Variants in AKAP9 observed in about 807,000 individuals in gnomAD.
The protein encoded by AKAP9 is A-kinase anchoring protein 9, also known as A-kinase anchor protein 9.
AKAP9 carries 311 observed loss-of-function variants against 488.5 expected under a neutral mutation model. The ratio of observed to expected loss-of-function variants is 0.64; its 90% CI spans 0.58 to 0.70. The LOEUF (loss-of-function observed/expected upper bound fraction) is 0.70. AKAP9 is among the 30% of genes least tolerant of loss of function. The pLI, the probability that AKAP9 is intolerant of heterozygous loss-of-function variation, is 0.00. For synonymous variants in AKAP9, 1,462 were observed against 1,483.5 expected (o/e 0.99, Z 0.33); for missense variants, 4,215 against 4,374.5 (o/e 0.96, Z 1.03).
chr7:92,048,187 CAAAA>C (rs1175707321), intron 21 of AKAP9, among the ~76,000 whole-genome samples: 1 of 151,876 alleles, frequency 6.6e-6, no homozygotes, highest in Non-Finnish European at 1.5e-5. Flanking sequence ...TTTAGTATAA[CAAAA>C]AAATTAAACC....
chr7:92,088,978 G>A (rs566236108), intron 37 of AKAP9, among the ~76,000 whole-genome samples: 75 of 152,204 alleles, frequency 4.9e-4, no homozygotes, highest in Middle Eastern at 6.8e-3. Context: ...ATTGAGGAAC[G>A]TACAACAAAA....
intron 2 of AKAP9, among the ~76,000 whole-genome samples, chr7:91,978,223 CAG>C (rs10605460): frequency 0.42 from 57,283 of 136,220 alleles, 11,606 homozygotes; most frequent in African/African-American, 0.48. Flanking sequence ...GCCTGGGCAA[CAG>C]AGTGAGACTC....
intron 15 of AKAP9, among the ~76,000 whole-genome samples, 199 bp from the exon 16 acceptor site, chr7:92,031,313 C>T (rs190168768): frequency 1.2e-4 from 19 of 152,026 alleles, no homozygotes; most frequent in East Asian, 7.7e-4. Flanking sequence ...TTTAAGTTCA[C>T]GGTAGTGAGT....
intron 23 of AKAP9, among the ~76,000 whole-genome samples, 169 bp from the exon 24 acceptor site, chr7:92,062,105 T>A (rs552641001): frequency 2.0e-5 from 3 of 152,328 alleles, no homozygotes; most frequent in African/African-American, 7.2e-5. Context: ...CCATACCCTA[T>A]TAAAGGTTGA....
At chr7:92,041,768 C>A in intron 18 of AKAP9, 1 of 324,816 alleles carries the variant, frequency 3.1e-6, no homozygotes, top group East Asian at 6.3e-5. Context: ...TTCTTCATTG[C>A]ATTTTGTGAA....
intron 1 of AKAP9, among the ~76,000 whole-genome samples, chr7:91,948,911 A>T (rs1254943401): frequency 6.7e-6 from 1 of 150,004 alleles, no homozygotes. Flanking sequence ...ACCATGCCCG[A>T]TTAATTTTTT....
chr7:91,964,823 T>TA (rs1469325219), intron 1 of AKAP9, among the ~76,000 whole-genome samples: 2 of 152,116 alleles, frequency 1.3e-5, no homozygotes, highest in South Asian at 2.1e-4. Flanking sequence ...TTTACTTTTC[T>TA]AAAAAAGAAA....
chr7:92,006,301 C>G (rs1364148911), intron 8 of AKAP9, among the ~76,000 whole-genome samples: 1 of 151,982 alleles, frequency 6.6e-6, no homozygotes, highest in East Asian at 1.9e-4. Flanking sequence ...CAGGCATGCA[C>G]CACACACCCA....
intron 1 of AKAP9, among the ~76,000 whole-genome samples, chr7:91,951,026 T>C (rs1412877164): frequency 6.6e-6 from 1 of 152,060 alleles, no homozygotes; most frequent in Admixed American, 6.5e-5. Context: ...ACAAGAGAAC[T>C]CTCACTTTTC....
rs1163076461 is a variant in AKAP9, at chr7:92,097,760, A to G, written c.10573A>G (p.Lys3525Glu). 5 of 1,614,110 alleles carry G rather than the reference A, an allele frequency of 3.1e-6. No individual in the cohort carries two copies. Among genetic ancestry groups the G allele is most frequent in the African/African-American group, 1.3e-5 (1 of 74,954 alleles). The change falls in exon 42 of 50, where the codon AAA becomes GAA. Residue 3525 changes from lysine to glutamate, a missense_variant. Physicochemically the swap from Lys to Glu is moderately conservative, Grantham distance 56 (BLOSUM62 1). Around this residue, in one of 5 missense-constraint regions of AKAP9, gnomAD observed 1,476 missense variants for 1,477.4 expected, o/e 1.00. Transcript: ENST00000356239. ...IRQKLQCVASKLQVLPQKASE... is the reference protein window; with the variant it reads ...IRQKLQCVASELQVLPQKASE... ...ACAAAAGCTTCAATGTGTAGCTTCA[A>G]AACTACAGGTTCTACCCCAGAAAGC... is the stretch of plus-strand genomic sequence containing the variant.
intron 1 of AKAP9, among the ~76,000 whole-genome samples, chr7:91,954,093 C>T (rs1792636671): frequency 6.6e-6 from 1 of 152,070 alleles, no homozygotes; most frequent in South Asian, 2.1e-4. Context: ...AGCTGGGTCT[C>T]ATGGAAACTG....
At chr7:92,084,585 T>C in intron 33 of AKAP9, 55 bp from the exon 34 acceptor site, 1 of 1,276,344 alleles carries the variant, frequency 7.8e-7, no homozygotes, top group Non-Finnish European at 1.1e-6. Context: ...TAATTCATTG[T>C]ATTCTATTTT....
rs750625057 is a variant in AKAP9, at chr7:92,102,673, T to C, written c.11177T>C (p.Leu3726Pro). The C allele has an allele frequency of 6.2e-7, 1 of 1,614,222 alleles. No homozygotes were observed. The highest frequency in any genetic ancestry group is 8.5e-7 in the Non-Finnish European group (1 of 1,180,048). ...CAGAAGAAATACCTGCTGCTGTTAC[T>C]GGGTGGGTTCCAGGAATGTGAAGAT... ...IYQKKYLLLL[L>P]GGFQECEDAT... The change falls in exon 46 of 50, where the codon CTG becomes CCG. Residue 3726 changes from leucine (L) to proline (P), a missense_variant. By Grantham distance (98) the Leu-to-Pro change is moderately conservative. Around this residue, in one of 5 missense-constraint regions of AKAP9, gnomAD observed 253 missense variants for 266.8 expected, o/e 0.95. Transcript: ENST00000356239.
intron 22 of AKAP9, among the ~76,000 whole-genome samples, chr7:92,056,125 G>T (rs554051197): frequency 9.2e-5 from 14 of 151,920 alleles, no homozygotes; most frequent in African/African-American, 3.1e-4. Context: ...AGGGCTGTTT[G>T]CCCTATTCTG....
In AKAP9 at chr7:92,110,140, A is replaced by T. The variant is rs563235612; in HGVS notation, c.11705A>T (p.His3902Leu). The change falls in exon 50 of 50, where the codon CAT (histidine) becomes CTT (leucine). Residue 3902 changes from histidine to leucine, a missense_variant. Around this residue, in one of 5 missense-constraint regions of AKAP9, gnomAD observed 253 missense variants for 266.8 expected, o/e 0.95. Transcript: ENST00000356239. ...CTCATAGGTTCAACTACTCAATTTC[A>T]TGCTGGCATGAGAAGATAATCCTTT... ...TIQSGSTTQF[H>L]AGMRR The T allele has an allele frequency of 1.2e-6, 2 of 1,602,466 alleles. No individual in the cohort carries two copies. The highest frequency in any genetic ancestry group is 2.2e-5 in the South Asian group (2 of 89,672).
chr7:92,077,976 A>T (rs1054885463), intron 30 of AKAP9, 101 bp downstream of exon 30: 4 of 766,366 alleles, frequency 5.2e-6, no homozygotes, highest in East Asian at 3.1e-5. Context: ...AAAACAAACC[A>T]ATTTTATTTT....
At position 92,014,335 on chromosome 7, in the gene AKAP9, T is replaced by A; in HGVS notation, c.3612+7T>A. On this transcript the variant is annotated splice_region_variant and intron_variant, in intron 10 of 49. Transcript: ENST00000356239. ...ATGTTCTTATTTTTTACAGGTAAAATGTTTAAAAGTACTTTTATGGCCAGA... is the reference window on the plus strand; with the variant it reads ...ATGTTCTTATTTTTTACAGGTAAAAAGTTTAAAAGTACTTTTATGGCCAGA... 1 of 1,592,470 alleles carries A rather than the reference T, an allele frequency of 6.3e-7. No homozygotes were observed. The highest frequency in any genetic ancestry group is 8.6e-7 in the Non-Finnish European group (1 of 1,161,620).
At chr7:92,091,326 G>A (rs1296394979) in intron 38 of AKAP9, among the ~76,000 whole-genome samples, 8 of 151,958 alleles carry the variant, frequency 5.3e-5, no homozygotes, top group Admixed American at 4.6e-4. Context: ...TGTGGTTCAC[G>A]CCTGTAATCC....
At chr7:92,008,006 C>T (rs1800151090) in intron 8 of AKAP9, among the ~76,000 whole-genome samples, 1 of 152,074 alleles carries the variant, frequency 6.6e-6, no homozygotes, top group Non-Finnish European at 1.5e-5. Context: ...AAGTTAAGAA[C>T]AAAATAAGCA....
Sources: gnomAD v4.1 joint callset for allele counts (sites outside exome capture counted in the v4.1 genomes callset) on GRCh38, gnomAD v4.1.1 for gene constraint, gnomAD v4.1.1 regional missense constraint, MANE v1.5 for transcripts, NCBI Gene and HGNC (gene_info 2026-07-23, HGNC 2026-07-21) for gene names.